SCFD1: variants seen among roughly 807,000 people sequenced by gnomAD.
The protein encoded by SCFD1 is sec1 family domain containing 1.
SCFD1 carries 37 observed loss-of-function variants against 103.2 expected under a neutral mutation model. The observed-to-expected ratio is 0.36, with a 90% CI of 0.28 to 0.47. The LOEUF is 0.47. SCFD1 is among the 20% of genes least tolerant of loss of function. The pLI is 1.00. For missense variants in SCFD1, 639 were observed against 761.2 expected, an observed-to-expected ratio of 0.84 and a Z score of 1.89; for synonymous variants, 264 against 245.0, an observed-to-expected ratio of 1.08 and a Z score of -0.73.
chr14:30,669,884 A>G (rs1439144754), intron 10 of SCFD1: 1 of 171,326 alleles, frequency 5.8e-6, no homozygotes, highest in African/African-American at 2.4e-5. Flanking sequence ...ATGTACATAT[A>G]CAGATACAGA....
intron 10 of SCFD1, among the ~76,000 whole-genome samples, chr14:30,663,720 A>T (rs1199551604): frequency 6.6e-6 from 1 of 152,212 alleles, no homozygotes; most frequent in Non-Finnish European, 1.5e-5. Flanking sequence ...TCTCACTGTG[A>T]TACAACTAAA....
chr14:30,678,878 A>G (rs1003042005), intron 14 of SCFD1, among the ~76,000 whole-genome samples: 1 of 152,184 alleles, frequency 6.6e-6, no homozygotes, highest in Admixed American at 6.5e-5. Flanking sequence ...ACTTGTTCTT[A>G]TAGACAGTCT....
intron 14 of SCFD1, chr14:30,683,323 C>T (rs1451556021): frequency 4.6e-6 from 3 of 658,386 alleles, no homozygotes. Flanking sequence ...CACCTGGGTG[C>T]ATTGTAAGGG....
chr14:30,651,418 G>T (rs1310114488), intron 9 of SCFD1, among the ~76,000 whole-genome samples: 1 of 148,688 alleles, frequency 6.7e-6, no homozygotes, highest in East Asian at 1.9e-4. Context: ...ATAATTGGGA[G>T]TTCACACTAA....
intron 1 of SCFD1, among the ~76,000 whole-genome samples, chr14:30,625,546 G>A (rs145420119): frequency 1.3e-5 from 2 of 151,862 alleles, no homozygotes; most frequent in East Asian, 3.9e-4. Context: ...GTAAAATTAC[G>A]TTCTTGTAAA....
intron 9 of SCFD1, 56 bp downstream of exon 9, chr14:30,650,706 T>G (rs1322575813): frequency 9.1e-7 from 1 of 1,095,636 alleles, no homozygotes; most frequent in African/African-American, 1.6e-5. Context: ...AGAGTTTTTT[T>G]GTTACTTTTC....
intron 3 of SCFD1, among the ~76,000 whole-genome samples, chr14:30,632,752 G>C (rs533632384): frequency 1.1e-4 from 16 of 152,302 alleles, no homozygotes; most frequent in African/African-American, 3.8e-4. Context: ...GTTAATAACA[G>C]AGCCATGGCC....
chr14:30,624,145 A>G (rs1883143483), intron 1 of SCFD1, among the ~76,000 whole-genome samples: 1 of 152,208 alleles, frequency 6.6e-6, no homozygotes, highest in Non-Finnish European at 1.5e-5. Context: ...TTTGAAGGTC[A>G]TCCCACAAGC....
At chr14:30,722,842 C>CAAA (rs56169449) in intron 23 of SCFD1, 75 of 181,714 alleles carry the variant, frequency 4.1e-4, no homozygotes, top group Middle Eastern at 2.0e-3. Flanking sequence ...GACCTCTTCC[C>CAAA]AAAAAAAAAA....
At chr14:30,723,602 T>C (rs1892807157) in intron 23 of SCFD1, among the ~76,000 whole-genome samples, 1 of 152,228 alleles carries the variant, frequency 6.6e-6, no homozygotes, top group Non-Finnish European at 1.5e-5. Flanking sequence ...GATGTGTCCA[T>C]GTGTTCTCAT....
intron 9 of SCFD1, 129 bp downstream of exon 9, chr14:30,650,779 A>C (rs1886327355): frequency 1.7e-6 from 1 of 572,894 alleles, no homozygotes; most frequent in Non-Finnish European, 3.1e-6. Flanking sequence ...ATCAGGATCA[A>C]GGTTTTGACT....
intron 14 of SCFD1, among the ~76,000 whole-genome samples, chr14:30,676,990 TTTAA>T (rs1241746705): frequency 2.0e-5 from 3 of 152,184 alleles, no homozygotes. Context: ...TCTGAGATAG[TTTAA>T]TATGCTACCA....
chr14:30,707,973 C>T lies in SCFD1; in HGVS notation c.1554-17C>T, dbSNP rs370972743. Reference sequence around the variant, plus strand: ...ACTTTGTACTTAGAATGGTCCTTCTCTTTTGCCCCTACCTAGTCTTTTATC... The same window carrying T: ...ACTTTGTACTTAGAATGGTCCTTCTTTTTTGCCCCTACCTAGTCTTTTATC... On this transcript the variant is annotated splice_polypyrimidine_tract_variant and intron_variant, in intron 18 of 24. Transcript: ENST00000458591. 3.6e-5 allele frequency: 58 copies of T among 1,589,572 alleles called. No homozygotes were observed. The African/African-American group carries it at 5.8e-4, about 16-fold the overall frequency.
At chr14:30,658,994 G>A (rs1304435211) in intron 10 of SCFD1, among the ~76,000 whole-genome samples, 1 of 152,118 alleles carries the variant, frequency 6.6e-6, no homozygotes, top group Non-Finnish European at 1.5e-5. Flanking sequence ...GTCTACTGAA[G>A]GTCTGTAGGC....
chr14:30,723,789 A>G (rs1892820754), intron 23 of SCFD1, among the ~76,000 whole-genome samples: 1 of 152,144 alleles, frequency 6.6e-6, no homozygotes, highest in Admixed American at 6.6e-5. Flanking sequence ...TTCTTTGTCT[A>G]GTCTAACATC....
chr14:30,720,136 A>C (rs550488019), intron 21 of SCFD1, among the ~76,000 whole-genome samples: 1 of 152,144 alleles, frequency 6.6e-6, no homozygotes, highest in African/African-American at 2.4e-5. Context: ...AAAATAATCT[A>C]GTCATTAGAT....
rs1215358718 is a variant in SCFD1 at position 30,714,267 on chromosome 14, C to T, written c.1630-1657C>T. Among the ~76,000 whole-genome samples, 6 of 150,764 alleles carry T rather than the reference C, an allele frequency of 4.0e-5. No homozygotes were observed. The South Asian group carries it at 8.4e-4, about 21-fold the overall frequency. ...TACTCGGGAGGCTGAGGCAGGAGAA[C>T]GGCGTGAACCCGGGAAGCGGAGCTT... On this transcript the variant is annotated intron_variant, in intron 19 of 24. Coordinates refer to ENST00000458591, the MANE Select transcript of SCFD1 (RefSeq NM_016106.4).
At chr14:30,726,028 C>T (rs1893018587) in intron 23 of SCFD1, among the ~76,000 whole-genome samples, 1 of 152,186 alleles carries the variant, frequency 6.6e-6, no homozygotes, top group South Asian at 2.1e-4. Flanking sequence ...GGGATAAACA[C>T]ATGGTTGCAA....
At chr14:30,665,176 C>T (rs773022001) in intron 10 of SCFD1, among the ~76,000 whole-genome samples, 7 of 152,146 alleles carry the variant, frequency 4.6e-5, no homozygotes, top group East Asian at 1.9e-4. Flanking sequence ...GAAGCCCATC[C>T]GACTAACAGT....
Sources: gnomAD v4.1 joint callset for allele counts (sites outside exome capture counted in the v4.1 genomes callset) on GRCh38, gnomAD v4.1.1 for gene constraint, MANE v1.5 for transcripts, NCBI Gene and HGNC (gene_info 2026-07-23, HGNC 2026-07-21) for gene names.